TSC1: variants seen among roughly 807,000 people sequenced by gnomAD.
The protein encoded by TSC1 is TSC complex subunit 1, also known as hamartin.
In TSC1, 20 loss-of-function variants were observed where a neutral mutation model predicts 124.3. That is an observed-to-expected ratio of 0.16 (90% CI 0.11 to 0.23). TSC1 has a LOEUF of 0.23. TSC1 is among the 10% of genes least tolerant of loss of function. TSC1 has a pLI of 1.00. For missense variants in TSC1, 1,124 were observed against 1,448.5 expected (o/e 0.78, Z 3.64); for synonymous variants, 493 against 539.1 (o/e 0.91, Z 1.19).
chr9:132,912,837 G>T, intron 8 of TSC1: 1 of 260,060 alleles, frequency 3.8e-6, no homozygotes, highest in East Asian at 1.0e-4. Context: ...AGCAGCTGAG[G>T]CTGACTTAAG....
chr9:132,906,261 TC>T lies in TSC1; in HGVS notation c.1439-123del. On this transcript the variant is annotated intron_variant, in intron 14 of 22. Coordinates refer to ENST00000298552, the MANE Select transcript of TSC1 (RefSeq NM_000368.5). The surrounding 1 kb of genome is among the most constrained non-coding windows in gnomAD (Gnocchi z 4.1). ...CTCAGAGAGAGGAGAAAAAGTGGCA[TC>T]CGGCTGGACACAGTGGCTCACGCCT... is the stretch of plus-strand genomic sequence containing the variant. The T allele has an allele frequency of 8.5e-7, 1 of 1,177,502 alleles. No homozygotes were observed. Among genetic ancestry groups the T allele is most frequent in the East Asian group, 2.5e-5 (1 of 39,344 alleles). 72.9% of individuals were successfully genotyped at this position (1,177,502 alleles called of 1,614,324 possible).
Position 132,911,065 on chromosome 9 carries a change from T to C in TSC1, c.1078A>G (p.Thr360Ala), listed in dbSNP as rs201738258. ...SMVCGMTTPP[T>A]SPGNVPPDLS... ...TCAGGTGGGACATTTCCAGGAGAAGTTGGAGGAGTGGTCATACCACAAACC... is the reference window on the plus strand; with the variant it reads ...TCAGGTGGGACATTTCCAGGAGAAGCTGGAGGAGTGGTCATACCACAAACC... The change falls in exon 11 of 23, where the codon ACT becomes GCT. Residue 360 changes from threonine (T) to alanine (A), a missense_variant. This residue lies in a region of TSC1 where 463 missense variants were observed against 606.8 expected (regional missense o/e 0.76). Transcript: ENST00000298552. 1.4e-5 allele frequency: 23 copies of C among 1,614,148 alleles called. No individual in the cohort carries two copies. The highest frequency in any genetic ancestry group is 2.2e-5 in the East Asian group (1 of 44,880).
chr9:132,897,270 T>G lies in TSC1; in HGVS notation c.2889A>C (p.Leu963Phe). The change falls in exon 22 of 23, where the codon TTA becomes TTC. Residue 963 changes from leucine to phenylalanine, a missense_variant. This residue lies in a region of TSC1 where 325 missense variants were observed against 383.4 expected (regional missense o/e 0.85). Coordinates refer to ENST00000298552, the MANE Select transcript of TSC1 (RefSeq NM_000368.5). ...CTTTCTCCAACCTGCCATATAAATC[T>G]AAGATCTCCAATTCAAACACCTGGG... is the stretch of plus-strand genomic sequence containing the variant. Reference protein sequence around the residue: ...RITQVFELEILDLYGRLEKDG... With the variant: ...RITQVFELEIFDLYGRLEKDG... The G allele has an allele frequency of 6.2e-7, 1 of 1,614,246 alleles. No individual in the cohort carries two copies. Among genetic ancestry groups the G allele is most frequent in the Non-Finnish European group, 8.5e-7 (1 of 1,180,042 alleles).
chr9:132,902,094 GT>G lies in TSC1; in HGVS notation c.2392-396del, dbSNP rs1845412163. On this transcript the variant is annotated intron_variant, in intron 18 of 22. Coordinates refer to ENST00000298552, the MANE Select transcript of TSC1 (RefSeq NM_000368.5). This position sits in a 1 kb window ranked among gnomAD's most constrained non-coding sequence, Gnocchi z 5.2. ...GTGGATGACGTCTTTGTGAAGCCGG[GT>G]TTTTTTGGGTGCAGTGATACAAAGC... 3.3e-5 allele frequency: 8 copies of G among 244,608 alleles called. No homozygotes were observed. Among genetic ancestry groups the G allele is most frequent in the South Asian group, 5.7e-5 (1 of 17,494 alleles). 15.2% of individuals were successfully genotyped at this position (244,608 alleles called of 1,614,324 possible).
At chr9:132,925,431 ACC>A (rs894134309) in intron 5 of TSC1, among the ~76,000 whole-genome samples, 154 bp downstream of exon 5, 15 of 152,390 alleles carry the variant, frequency 9.8e-5, no homozygotes, top group African/African-American at 2.9e-4. Flanking sequence ...CTTACTAAGT[ACC>A]AACTCTGGAC....
In TSC1 at chr9:132,906,936, C is replaced by T. The variant is rs1845705374; in HGVS notation, c.1334-101G>A. 1.1e-5 allele frequency: 10 copies of T among 921,408 alleles called. No homozygotes were observed. In the South Asian group the frequency reaches 1.2e-4, roughly 11 times the overall value. 57.1% of individuals were successfully genotyped at this position (921,408 alleles called of 1,614,324 possible). The stretch of plus-strand genomic sequence containing the variant: ...ATAGAATATGTCTGTAATAACTCTT[C>T]ATGCTGAACAGAGAAGGCTGGACAT... On this transcript the variant is annotated intron_variant, in intron 13 of 22. Transcript: ENST00000298552. This position sits in a 1 kb window ranked among gnomAD's most constrained non-coding sequence, Gnocchi z 4.1.
intron 12 of TSC1, among the ~76,000 whole-genome samples, chr9:132,907,813 G>C (rs188961557): frequency 1.3e-5 from 2 of 152,224 alleles, no homozygotes; most frequent in Non-Finnish European, 2.9e-5. Flanking sequence ...CAGACTGGGC[G>C]TGGTGGCCCA....
At position 132,906,747 on chromosome 9, in the gene TSC1, T is replaced by G; in HGVS notation, c.1422A>C (p.Glu474Asp). 5.0e-6 allele frequency: 8 copies of G among 1,613,990 alleles called. No homozygotes were observed. The highest frequency in any genetic ancestry group is 6.8e-6 in the Non-Finnish European group (8 of 1,179,958). Residue 474 changes from glutamate to aspartate, a missense_variant, in exon 14 of 23, where the codon GAA (glutamate) becomes GAC (aspartate). By Grantham distance (45) the Glu-to-Asp change is conservative (BLOSUM62 2). Coordinates refer to ENST00000298552, the MANE Select transcript of TSC1 (RefSeq NM_000368.5). This position sits in a 1 kb window ranked among gnomAD's most constrained non-coding sequence, Gnocchi z 4.1. ...GDLASEEDSIEKDKEEAAISR... is the reference protein window; with the variant it reads ...GDLASEEDSIDKDKEEAAISR... ...ATACATTACCTTCTTCTTTATCTTT[T>G]TCAATACTATCTTCTTCAGAGGCCA...
chr9:132,929,200 C>T (rs1847067970), intron 2 of TSC1, among the ~76,000 whole-genome samples: 1 of 152,162 alleles, frequency 6.6e-6, no homozygotes, highest in South Asian at 2.1e-4. Context: ...AAAACTGATA[C>T]CAGTCACAGC....
intron 12 of TSC1, 38 bp downstream of exon 12, chr9:132,910,533 T>G (rs2131935768): frequency 6.2e-7 from 1 of 1,613,848 alleles, no homozygotes; most frequent in Non-Finnish European, 8.5e-7. Flanking sequence ...TGAGTCACTG[T>G]GCCTGGGCAG....
chr9:132,945,272 AC>A (rs1424528925), upstream of TSC1: 1 of 151,526 alleles, frequency 6.6e-6, no homozygotes. Context: ...ATTGCGGGGG[AC>A]CCCCCTGGCT....
Position 132,900,704 on chromosome 9 carries a change from C to T in TSC1, c.2625+11G>A. On this transcript the variant is annotated intron_variant, in intron 20 of 22. Coordinates refer to ENST00000298552, the MANE Select transcript of TSC1 (RefSeq NM_000368.5). ...TCCCCACTAAGGTCTGGCTCCCGAG[C>T]CCTGGCATACCTTTGTGGTATCTGA... The T allele has an allele frequency of 6.2e-7, 1 of 1,613,944 alleles. No individual in the cohort carries two copies. Among genetic ancestry groups the T allele is most frequent in the South Asian group, 1.1e-5 (1 of 91,068 alleles).
In TSC1 at chr9:132,923,552, T is replaced by C. The variant is rs1846688577; in HGVS notation, c.364-60A>G. On this transcript the variant is annotated intron_variant, in intron 5 of 22. Coordinates refer to ENST00000298552, the MANE Select transcript of TSC1 (RefSeq NM_000368.5). This position sits in a 1 kb window ranked among gnomAD's most constrained non-coding sequence, Gnocchi z 4.2. ...CAGGCACTGGCACCAGGATCGGCAT[T>C]GTACAGTACATGAAGAGGCTCTAAA... 1 of 1,611,328 alleles carries C rather than the reference T, an allele frequency of 6.2e-7. No homozygotes were observed. Among genetic ancestry groups the C allele is most frequent in the African/African-American group, 1.3e-5 (1 of 74,832 alleles).
intron 1 of TSC1, among the ~76,000 whole-genome samples, chr9:132,935,680 C>G (rs1227969933): frequency 6.6e-6 from 1 of 152,222 alleles, no homozygotes; most frequent in Non-Finnish European, 1.5e-5. Flanking sequence ...CCACAGTCCC[C>G]ACAGTCCTCA....
intron 2 of TSC1, among the ~76,000 whole-genome samples, chr9:132,932,294 C>A (rs1847243726): frequency 6.6e-6 from 1 of 152,170 alleles, no homozygotes; most frequent in Admixed American, 6.5e-5. Flanking sequence ...AAGGCACTAC[C>A]ATCAGTCTAA....
chr9:132,917,668 G>A (rs1246275244), intron 8 of TSC1, among the ~76,000 whole-genome samples: 1 of 152,032 alleles, frequency 6.6e-6, no homozygotes, highest in African/African-American at 2.4e-5. Context: ...TTGGATGCTG[G>A]GACTTCCTGA....
At chr9:132,926,428 C>T in intron 4 of TSC1, 1 of 155,170 alleles carries the variant, frequency 6.4e-6, no homozygotes, top group Admixed American at 6.3e-5. Flanking sequence ...TAAGACTTAC[C>T]AAAGTCTGCA....
chr9:132,910,537 T>A (rs141086418), intron 12 of TSC1, 34 bp downstream of exon 12: 3 of 1,613,874 alleles, frequency 1.9e-6, no homozygotes, highest in African/African-American at 1.3e-5. Context: ...TCACTGTGCC[T>A]GGGCAGAGGG....
chr9:132,905,989 C>G lies in TSC1; in HGVS notation c.1589G>C (p.Ser530Thr), dbSNP rs368481360. ...HSAASSSQGA[S>T]VNPEPLHSSL... is the part of the protein sequence containing the mutation. ...GGAGTGTAAAGGCTCAGGGTTCACG[C>G]TGGCGCCCTGAGAACTGGAGGCTGC... Residue 530 changes from serine to threonine, a missense_variant, in exon 15 of 23, where the codon AGC (serine) becomes ACC (threonine). Physicochemically the swap from Ser to Thr is moderately conservative, Grantham distance 58 (BLOSUM62 1). Around this residue, in one of 5 missense-constraint regions of TSC1, gnomAD observed 321 missense variants for 397.4 expected, o/e 0.81. Transcript: ENST00000298552. 44 of 1,613,972 alleles carry G rather than the reference C, an allele frequency of 2.7e-5. No homozygotes were observed. The highest frequency in any genetic ancestry group is 1.6e-4 in the Middle Eastern group (1 of 6,080).
Sources: gnomAD v4.1 joint callset for allele counts (sites outside exome capture counted in the v4.1 genomes callset) on GRCh38, gnomAD v4.1.1 for gene constraint, gnomAD v4.1.1 regional missense constraint, Gnocchi (gnomAD v3.1) non-coding constraint, MANE v1.5 for transcripts, NCBI Gene and HGNC (gene_info 2026-07-23, HGNC 2026-07-21) for gene names.